Variants in FEZ1 observed in about 807,000 individuals in gnomAD.
FEZ1 encodes the protein fasciculation and elongation protein zeta-1.
A neutral mutation model predicts 49.3 loss-of-function variants in FEZ1; 20 were observed. The ratio of observed to expected loss-of-function variants is 0.41; its 90% CI spans 0.29 to 0.59. The LOEUF is 0.59. Ranked by LOEUF, FEZ1 falls within the 20% of genes least tolerant of loss-of-function variation. The pLI is 0.36. For synonymous variants in FEZ1, 170 were observed against 180.9 expected, an observed-to-expected ratio of 0.94 and a Z score of 0.48; for missense variants, 413 against 476.0, an observed-to-expected ratio of 0.87 and a Z score of 1.23.
At position 125,495,848 on chromosome 11, in the gene FEZ1, G is replaced by A. The variant is rs929927548; in HGVS notation, c.-46+273C>T. 1 of 319,164 alleles carries A rather than the reference G, an allele frequency of 3.1e-6. No individual in the cohort carries two copies. The highest frequency in any genetic ancestry group is 6.2e-6 in the Non-Finnish European group (1 of 162,220). 19.8% of individuals were successfully genotyped at this position (319,164 alleles called of 1,614,324 possible). A position where few individuals can be genotyped will look rare whatever the true frequency, so the allele number is the denominator to read the frequency against. On this transcript the variant is annotated intron_variant, in intron 1 of 9. Transcript: ENST00000278919. The surrounding 1 kb of genome is among the most constrained non-coding windows in gnomAD (Gnocchi z 4.2). Reference sequence around the variant, plus strand: ...CACACACACACACCAGGCCTGGCTGGAGGGCCGATGCTGAGATGATACTGG... The same window carrying A: ...CACACACACACACCAGGCCTGGCTGAAGGGCCGATGCTGAGATGATACTGG...
intron 3 of FEZ1, among the ~76,000 whole-genome samples, chr11:125,466,103 C>T (rs556953859): frequency 1.3e-5 from 2 of 152,278 alleles, no homozygotes; most frequent in Non-Finnish European, 2.9e-5. Context: ...GTTCCTTTAG[C>T]CCCTTGTGCA....
In FEZ1 at chr11:125,460,224, A is replaced by G. The variant is rs113131457; in HGVS notation, c.667+274T>C. The G allele has an allele frequency of 2.6e-3, 835 of 322,636 alleles. 4 individuals are homozygous for G. Among genetic ancestry groups the G allele is most frequent in the African/African-American group, 0.016 (742 of 47,138 alleles). 20.0% of individuals were successfully genotyped at this position (322,636 alleles called of 1,614,324 possible). A position where few individuals can be genotyped will look rare whatever the true frequency, so the allele number is the denominator to read the frequency against. On this transcript the variant is annotated intron_variant, in intron 5 of 9. Coordinates refer to ENST00000278919, the MANE Select transcript of FEZ1 (RefSeq NM_005103.5). ...TGGTAGCATCATTCATTGCTTTTAT[A>G]TAGTAGTTCAGATTTCTTCTGCTTA...
intron 6 of FEZ1, among the ~76,000 whole-genome samples, chr11:125,455,004 A>G (rs1171414120): frequency 7.0e-6 from 1 of 143,858 alleles, no homozygotes; most frequent in Non-Finnish European, 1.5e-5. Flanking sequence ...ACAGAGTGAG[A>G]CTCCATCTCA....
intron 4 of FEZ1, among the ~76,000 whole-genome samples, chr11:125,462,797 G>T (rs1188097881): frequency 6.6e-6 from 1 of 152,102 alleles, no homozygotes; most frequent in Admixed American, 6.5e-5. Flanking sequence ...CCAGGAGTTT[G>T]AGACCAGCCT....
At chr11:125,467,252 C>T (rs980582192) in intron 3 of FEZ1, among the ~76,000 whole-genome samples, 11 of 152,092 alleles carry the variant, frequency 7.2e-5, no homozygotes, top group African/African-American at 2.4e-4. Flanking sequence ...CTGTGTTGCC[C>T]AGGCTGGTCT....
intron 2 of FEZ1, among the ~76,000 whole-genome samples, chr11:125,487,711 T>C (rs1957338218): frequency 6.6e-6 from 1 of 152,210 alleles, no homozygotes; most frequent in African/African-American, 2.4e-5. Context: ...CTTAGAAATA[T>C]ATTACATGTA....
chr11:125,451,894 C>T (rs937955920), intron 8 of FEZ1, among the ~76,000 whole-genome samples: 3 of 152,210 alleles, frequency 2.0e-5, no homozygotes, highest in African/African-American at 7.2e-5. Flanking sequence ...CCCAAGAAAC[C>T]TTGCTTCTCA....
Position 125,460,600 on chromosome 11 carries a change from C to T in FEZ1, c.565G>A (p.Glu189Lys). Residue 189 changes from glutamate (E) to lysine (K), a missense_variant, in exon 5 of 10, where the codon GAA becomes AAA. Glu to Lys is a moderately conservative substitution (Grantham distance 56, BLOSUM62 1). Transcript: ENST00000278919. ...GAAGTTTCTCCTCCATCCTCTTCTT[C>T]CAGAACCTCCTCTTCTTCCTCAGGG... ...PDPEEEEEVL[E>K]EEDGGETSSQ... 6.2e-7 allele frequency: 1 copy of T among 1,614,138 alleles called. No individual in the cohort carries two copies. The highest frequency in any genetic ancestry group is 8.5e-7 in the Non-Finnish European group (1 of 1,179,998).
At chr11:125,483,179 C>G (rs1281519577) in intron 2 of FEZ1, among the ~76,000 whole-genome samples, 1 of 151,878 alleles carries the variant, frequency 6.6e-6, no homozygotes, top group Non-Finnish European at 1.5e-5. Flanking sequence ...GCACTATTAA[C>G]TAAACAAAAT....
rs565209111 is a variant in FEZ1 at position 125,466,803 on chromosome 11, C to T, written c.412-3233G>A. On this transcript the variant is annotated intron_variant, in intron 3 of 9. Coordinates refer to ENST00000278919, the MANE Select transcript of FEZ1 (RefSeq NM_005103.5). ...TTAAAATTATGTGGAGCCCTTGATT[C>T]CAATAATGACTATTAACCAGTGTAT... 3.3e-5 allele frequency among the ~76,000 whole-genome samples: 5 copies of T among 152,194 alleles called. No individual in the cohort carries two copies. In the South Asian group the frequency reaches 1.0e-3, roughly 32 times the overall value.
At chr11:125,458,183 C>T (rs532977389) in intron 5 of FEZ1, among the ~76,000 whole-genome samples, 2 of 152,342 alleles carry the variant, frequency 1.3e-5, no homozygotes, top group South Asian at 4.1e-4. Context: ...GATTCTGCCT[C>T]TGCTTTCACC....
intron 3 of FEZ1, among the ~76,000 whole-genome samples, chr11:125,472,852 G>A (rs1957195168): frequency 6.6e-6 from 1 of 152,006 alleles, no homozygotes; most frequent in South Asian, 2.1e-4. Flanking sequence ...AAAATAAAAT[G>A]CTGGTTTAAT....
In FEZ1 at chr11:125,489,380, C is replaced by T. The variant is rs972232067; in HGVS notation, c.311+87G>A. 1 of 1,521,270 alleles carries T rather than the reference C, an allele frequency of 6.6e-7. No homozygotes were observed. Among genetic ancestry groups the T allele is most frequent in the Non-Finnish European group, 8.8e-7 (1 of 1,138,640 alleles). The allele number at this position is 1,521,270 out of a possible 1,614,324, so 94.2% of individuals were successfully genotyped here. ...AAAATGAAAGTAATAGCCCATAAAC[C>T]TATAGACAGAAACCAGCACTATGTC... On this transcript the variant is annotated intron_variant, in intron 2 of 9. Coordinates refer to ENST00000278919, the MANE Select transcript of FEZ1 (RefSeq NM_005103.5). This position sits in a 1 kb window ranked among gnomAD's most constrained non-coding sequence, Gnocchi z 4.2.
chr11:125,444,554 C>T lies in FEZ1; in HGVS notation c.*1541G>A, dbSNP rs543496761. On this transcript the variant is annotated 3_prime_UTR_variant, in exon 10 of 10. Transcript: ENST00000278919. ...GAGCTGAGATAGCGCCATTGTACTC[C>T]AGCCTGAGCAACAAGAGTCAAACTC... Among the ~76,000 whole-genome samples the T allele has an allele frequency of 6.6e-6, 1 of 151,966 alleles. No homozygotes were observed. Among genetic ancestry groups the T allele is most frequent in the African/African-American group, 2.4e-5 (1 of 41,452 alleles).
At chr11:125,488,046 T>A (rs547115679) in intron 2 of FEZ1, among the ~76,000 whole-genome samples, 1 of 145,830 alleles carries the variant, frequency 6.9e-6, no homozygotes, top group Non-Finnish European at 1.5e-5. Context: ...ACATTTCTTG[T>A]GTGATAGCTA....
chr11:125,494,101 A>C (rs1456432061), intron 1 of FEZ1, among the ~76,000 whole-genome samples: 1 of 152,214 alleles, frequency 6.6e-6, no homozygotes, highest in African/African-American at 2.4e-5. Context: ...TTTTTTGTCA[A>C]CTCATTATCC....
intron 3 of FEZ1, among the ~76,000 whole-genome samples, chr11:125,481,288 C>T (rs868157205): frequency 3.3e-5 from 5 of 152,162 alleles, no homozygotes; most frequent in South Asian, 2.1e-4. Flanking sequence ...GCTGGGACCA[C>T]AAGCATGCGC....
intron 3 of FEZ1, among the ~76,000 whole-genome samples, chr11:125,473,547 A>T (rs1301945099): frequency 6.6e-6 from 1 of 152,184 alleles, no homozygotes; most frequent in Non-Finnish European, 1.5e-5. Flanking sequence ...GGCTGGGCAC[A>T]GTGGCTCATA....
At chr11:125,463,618 G>T in intron 3 of FEZ1, 48 bp from the exon 4 acceptor site, 1 of 1,151,598 alleles carries the variant, frequency 8.7e-7, no homozygotes, top group Non-Finnish European at 1.3e-6. Flanking sequence ...ATCAGCAGAA[G>T]TGGGATTGCC....
Sources: allele counts gnomAD v4.1 joint callset (sites outside exome capture counted in the v4.1 genomes callset), GRCh38; gene constraint gnomAD v4.1.1; non-coding constraint Gnocchi (gnomAD v3.1); transcripts MANE v1.5; gene names NCBI Gene and HGNC (gene_info 2026-07-23, HGNC 2026-07-21).